The following CCDC7 variants were observed in gnomAD, a reference collection of about 807,000 sequenced individuals.
The protein encoded by CCDC7 is coiled-coil domain containing 7.
In CCDC7, 183 loss-of-function variants were observed where a neutral mutation model predicts 196.9. The ratio of observed to expected loss-of-function variants is 0.93; its 90% CI spans 0.82 to 1.05. The LOEUF (loss-of-function observed/expected upper bound fraction) is 1.05, where lower values mean the gene tolerates loss of function less well. Among genes scored for constraint, CCDC7 ranks in the 50% least tolerant of loss-of-function variants. CCDC7 has a pLI of 0.00. For synonymous variants in CCDC7, 525 were observed against 484.6 expected (o/e 1.08, Z -1.10); for missense variants, 1,540 against 1,482.2 (o/e 1.04, Z -0.64).
intron 15 of CCDC7, among the ~76,000 whole-genome samples, chr10:32,568,603 A>G (rs2057185487): frequency 6.6e-6 from 1 of 152,216 alleles, no homozygotes; most frequent in Admixed American, 6.5e-5. Context: ...TATAAAAACA[A>G]ATATCTAAAG....
chr10:32,842,204 G>A (rs759718084), intron 33 of CCDC7, among the ~76,000 whole-genome samples: 4 of 151,562 alleles, frequency 2.6e-5, no homozygotes, highest in Admixed American at 6.6e-5. Context: ...CTATATATCC[G>A]ACAAAAGACT....
At chr10:32,453,312 G>A (rs2133387046) in intron 1 of CCDC7, 32 bp from the exon 3 acceptor site, 3 of 1,384,300 alleles carry the variant, frequency 2.2e-6, no homozygotes, top group Non-Finnish European at 2.9e-6. Flanking sequence ...AACTATTAAA[G>A]TATCTAATTG....
At chr10:32,682,379 T>G (rs1429823730) in intron 21 of CCDC7, among the ~76,000 whole-genome samples, 3 of 152,218 alleles carry the variant, frequency 2.0e-5, no homozygotes, top group Non-Finnish European at 2.9e-5. Flanking sequence ...GTACCACATT[T>G]TCTTTATTCA....
intron 32 of CCDC7, among the ~76,000 whole-genome samples, chr10:32,828,461 A>AGAAGAAGAAGAAGAAGAAGAG (rs2091543061): frequency 1.4e-4 from 10 of 70,832 alleles, no homozygotes; most frequent in African/African-American, 2.4e-4. Flanking sequence ...AAGAAGAAGA[A>AGAAGAAGAAGAAGAAGAAGAG]GAAGAGGAAG....
intron 18 of CCDC7, among the ~76,000 whole-genome samples, chr10:32,597,286 A>T (rs1417227405): frequency 6.6e-6 from 1 of 152,128 alleles, no homozygotes; most frequent in Non-Finnish European, 1.5e-5. Flanking sequence ...TCAATCACTG[A>T]TAATGTTTCT....
intron 25 of CCDC7, among the ~76,000 whole-genome samples, chr10:32,722,453 TG>T (rs1185335760): frequency 6.6e-6 from 1 of 152,130 alleles, no homozygotes; most frequent in East Asian, 1.9e-4. Flanking sequence ...GCTAGAAGTC[TG>T]GGATCAAGGT....
intron 29 of CCDC7, among the ~76,000 whole-genome samples, chr10:32,799,352 G>A (rs938980245): frequency 5.9e-5 from 9 of 152,112 alleles, no homozygotes; most frequent in Admixed American, 3.9e-4. Context: ...GACACTTCAC[G>A]CACCATTGGG....
chr10:32,673,726 TAGTG>T (rs776831567), intron 21 of CCDC7, among the ~76,000 whole-genome samples: 10 of 148,968 alleles, frequency 6.7e-5, no homozygotes, highest in Non-Finnish European at 1.3e-4. Context: ...CAATAACAAA[TAGTG>T]AGACTGAACC....
intron 21 of CCDC7, among the ~76,000 whole-genome samples, chr10:32,674,690 C>G (rs2074627268): frequency 1.3e-5 from 2 of 152,012 alleles, no homozygotes; most frequent in South Asian, 2.1e-4. Flanking sequence ...TGAAGTCTCT[C>G]TCTTCATACC....
At chr10:32,624,023 C>G (rs1590746517) in intron 18 of CCDC7, among the ~76,000 whole-genome samples, 1 of 152,256 alleles carries the variant, frequency 6.6e-6, no homozygotes, top group African/African-American at 2.4e-5. Context: ...GTGGCGGGGA[C>G]CAGTATCCAA....
chr10:32,528,717 T>C (rs556773527), intron 11 of CCDC7, among the ~76,000 whole-genome samples: 95 of 144,060 alleles, frequency 6.6e-4, no homozygotes, highest in African/African-American at 2.3e-3. Context: ...TATATATACA[T>C]ATATACGTAT....
intron 25 of CCDC7, among the ~76,000 whole-genome samples, chr10:32,716,477 G>T (rs2142016306): frequency 6.6e-6 from 1 of 152,300 alleles, no homozygotes; most frequent in Admixed American, 6.5e-5. Context: ...ACATTGTGAA[G>T]AAACTGCATC....
chr10:32,828,903 G>A (rs1368167631), intron 32 of CCDC7, among the ~76,000 whole-genome samples: 1 of 152,132 alleles, frequency 6.6e-6, no homozygotes, highest in Non-Finnish European at 1.5e-5. Flanking sequence ...CTCACCTAGA[G>A]GTCTTAGTTC....
At chr10:32,495,926 G>A (rs188737526) in intron 9 of CCDC7, among the ~76,000 whole-genome samples, 2 of 152,202 alleles carry the variant, frequency 1.3e-5, no homozygotes, top group African/African-American at 2.4e-5. Context: ...CTAATTCTGT[G>A]AAGAAAGTCA....
intron 28 of CCDC7, among the ~76,000 whole-genome samples, chr10:32,769,131 G>C (rs535854016): frequency 6.6e-5 from 10 of 151,890 alleles, no homozygotes; most frequent in African/African-American, 2.4e-4. Flanking sequence ...AATCCATCCA[G>C]TTCTGAGCTT....
chr10:32,681,645 G>C (rs1467977164), intron 21 of CCDC7, among the ~76,000 whole-genome samples: 1 of 151,398 alleles, frequency 6.6e-6, no homozygotes, highest in Non-Finnish European at 1.5e-5. Flanking sequence ...TAATTGCCAG[G>C]TAGTGCCTTT....
At chr10:32,625,685 C>T (rs1247053131) in intron 18 of CCDC7, among the ~76,000 whole-genome samples, 2 of 152,018 alleles carry the variant, frequency 1.3e-5, no homozygotes, top group African/African-American at 2.4e-5. Flanking sequence ...CTTTATTCCT[C>T]GTGAATAACT....
At chr10:32,879,066 T>A (rs2488307), downstream of CCDC7, among the ~76,000 whole-genome samples, 51,822 of 151,776 alleles carry the variant, frequency 0.34, 11,281 homozygotes, top group Non-Finnish European at 0.49. Flanking sequence ...ATTTTTTTTT[T>A]ATTTAAGTTC....
At chr10:32,747,451 A>G (rs1008700851) in intron 28 of CCDC7, among the ~76,000 whole-genome samples, 2 of 152,232 alleles carry the variant, frequency 1.3e-5, no homozygotes, top group African/African-American at 2.4e-5. Flanking sequence ...GGGAGAGAAT[A>G]TGCACAAACT....
Sources: gnomAD v4.1 joint callset for allele counts (sites outside exome capture counted in the v4.1 genomes callset) on GRCh38, gnomAD v4.1.1 for gene constraint, MANE v1.5 for transcripts, NCBI Gene and HGNC (gene_info 2026-07-23, HGNC 2026-07-21) for gene names.